The following GULP1 variants were observed in gnomAD, a reference collection of about 807,000 sequenced individuals.
GULP1 encodes GULP PTB domain containing engulfment adaptor 1.
In GULP1, 19 loss-of-function variants were observed where a neutral mutation model predicts 40.9. That is an observed-to-expected ratio of 0.46 (90% CI 0.32 to 0.68). The LOEUF (loss-of-function observed/expected upper bound fraction) is 0.68. Ranked by LOEUF, GULP1 falls within the 30% of genes least tolerant of loss-of-function variation. The pLI, the probability that GULP1 is intolerant of heterozygous loss-of-function variation, is 0.03. For missense variants in GULP1, 312 were observed against 362.2 expected (o/e 0.86, Z 1.12); for synonymous variants, 119 against 117.6 (o/e 1.01, Z -0.08).
intron 9 of GULP1, among the ~76,000 whole-genome samples, chr2:188,570,584 A>G (rs1409083526): frequency 1.3e-5 from 2 of 152,122 alleles, no homozygotes; most frequent in East Asian, 3.9e-4. Context: ...TTGTATTTCA[A>G]ACATTAAAAT....
intron 2 of GULP1, among the ~76,000 whole-genome samples, chr2:188,459,522 A>AT (rs1305201681): frequency 5.3e-5 from 8 of 152,120 alleles, no homozygotes; most frequent in Non-Finnish European, 7.4e-5. Flanking sequence ...AGATTATTAG[A>AT]TTTTTTCCTG....
At chr2:188,547,655 A>G (rs1005514997) in intron 7 of GULP1, among the ~76,000 whole-genome samples, 11 of 152,126 alleles carry the variant, frequency 7.2e-5, no homozygotes, top group African/African-American at 2.4e-4. Context: ...TTTCCAGCCC[A>G]CTGACTCAAA....
chr2:188,487,306 A>G (rs2061948860), intron 4 of GULP1, among the ~76,000 whole-genome samples: 1 of 152,026 alleles, frequency 6.6e-6, no homozygotes, highest in Non-Finnish European at 1.5e-5. Flanking sequence ...TTATCCTTTT[A>G]TGAAAAATCT....
intron 2 of GULP1, among the ~76,000 whole-genome samples, chr2:188,438,854 C>A (rs2057673349): frequency 6.6e-6 from 1 of 151,866 alleles, no homozygotes; most frequent in Non-Finnish European, 1.5e-5. Flanking sequence ...TGTATGTTTT[C>A]ATGTCTGTAA....
At chr2:188,477,199 TA>T (rs2061085821) in intron 2 of GULP1, among the ~76,000 whole-genome samples, 1 of 152,150 alleles carries the variant, frequency 6.6e-6, no homozygotes, top group Non-Finnish European at 1.5e-5. Context: ...AAAACAATCT[TA>T]AGTGGTAGGT....
chr2:188,350,610 A>G (rs962447865), intron 1 of GULP1, among the ~76,000 whole-genome samples: 2 of 151,966 alleles, frequency 1.3e-5, no homozygotes, highest in African/African-American at 4.8e-5. Flanking sequence ...GGATCTTGTC[A>G]TCTGTGAATA....
chr2:188,578,916 T>C (rs1326064294), intron 9 of GULP1, among the ~76,000 whole-genome samples: 1 of 152,054 alleles, frequency 6.6e-6, no homozygotes, highest in Non-Finnish European at 1.5e-5. Flanking sequence ...CAGTTAAAAA[T>C]AGCAGCCAAA....
chr2:188,540,456 G>A (rs564229539), intron 6 of GULP1, among the ~76,000 whole-genome samples: 21 of 150,368 alleles, frequency 1.4e-4, no homozygotes, highest in East Asian at 1.4e-3. Flanking sequence ...GTGTGTGTGC[G>A]TGTGTAAATA....
chr2:188,363,170 G>C (rs1412898347), intron 1 of GULP1, among the ~76,000 whole-genome samples: 1 of 151,944 alleles, frequency 6.6e-6, no homozygotes, highest in African/African-American at 2.4e-5. Flanking sequence ...AAGTGTATTT[G>C]TAAGAATTTA....
At chr2:188,540,440 G>A (rs936784034) in intron 6 of GULP1, among the ~76,000 whole-genome samples, 22 of 151,650 alleles carry the variant, frequency 1.5e-4, no homozygotes, top group South Asian at 2.1e-4. Context: ...TTTAATATGT[G>A]TGTGTGTGTG....
At chr2:188,559,982 A>G (rs1695831408) in intron 7 of GULP1, among the ~76,000 whole-genome samples, 1 of 152,068 alleles carries the variant, frequency 6.6e-6, no homozygotes, top group Admixed American at 6.6e-5. Flanking sequence ...TCCTGCCGTG[A>G]TTCTGAGGCC....
At chr2:188,534,186 C>G (rs1476225112) in intron 6 of GULP1, among the ~76,000 whole-genome samples, 1 of 152,156 alleles carries the variant, frequency 6.6e-6, no homozygotes. Context: ...GACATACACT[C>G]TCATTTTCAT....
intron 2 of GULP1, among the ~76,000 whole-genome samples, chr2:188,443,961 T>C (rs999345061): frequency 6.6e-6 from 1 of 152,180 alleles, no homozygotes; most frequent in African/African-American, 2.4e-5. Context: ...CCTTTTTTTT[T>C]CCATTCCAAA....
At chr2:188,582,459 C>T (rs1487576646) in intron 9 of GULP1, 2 of 471,590 alleles carry the variant, frequency 4.2e-6, no homozygotes, top group Non-Finnish European at 8.8e-6. Flanking sequence ...TCTGTCACTC[C>T]TATCAACTCG....
chr2:188,342,227 G>A (rs1374875773), intron 1 of GULP1, among the ~76,000 whole-genome samples: 1 of 152,120 alleles, frequency 6.6e-6, no homozygotes, highest in Admixed American at 6.5e-5. Flanking sequence ...TGGTTGGGTT[G>A]GTTTGGCAGG....
chr2:188,356,170 A>T (rs2045286682), intron 1 of GULP1, among the ~76,000 whole-genome samples: 1 of 152,138 alleles, frequency 6.6e-6, no homozygotes, highest in South Asian at 2.1e-4. Flanking sequence ...TCAACATGGT[A>T]CTGAAAGTCC....
chr2:188,362,155 A>T (rs1199867781), intron 1 of GULP1, among the ~76,000 whole-genome samples: 8 of 152,066 alleles, frequency 5.3e-5, no homozygotes, highest in Admixed American at 5.2e-4. Context: ...AACTGTGTCT[A>T]TCTCATCATT....
chr2:188,536,606 T>C (rs1036228065), intron 6 of GULP1, among the ~76,000 whole-genome samples: 2 of 151,998 alleles, frequency 1.3e-5, no homozygotes, highest in African/African-American at 2.4e-5. Context: ...AGTACAGTCA[T>C]CGGGTAATGT....
intron 2 of GULP1, among the ~76,000 whole-genome samples, chr2:188,398,253 T>G (rs2152600484): frequency 6.6e-6 from 1 of 152,306 alleles, no homozygotes; most frequent in Admixed American, 6.5e-5. Flanking sequence ...GATTTCAGAG[T>G]TCTGGCTTCC....
Sources: gnomAD v4.1 joint callset for allele counts (sites outside exome capture counted in the v4.1 genomes callset) on GRCh38, gnomAD v4.1.1 for gene constraint, MANE v1.5 for transcripts, NCBI Gene and HGNC (gene_info 2026-07-23, HGNC 2026-07-21) for gene names.